PRKN: variants seen among roughly 807,000 people sequenced by gnomAD.
The protein encoded by PRKN is E3 ubiquitin-protein ligase parkin.
PRKN carries 56 observed loss-of-function variants against 59.5 expected under a neutral mutation model. That is an observed-to-expected ratio of 0.94 (90% CI 0.76 to 1.18). The LOEUF (loss-of-function observed/expected upper bound fraction) is 1.18, where lower values mean the gene tolerates loss of function less well. PRKN is among the 50% of genes most tolerant of loss of function. PRKN has a pLI of 0.00. For missense variants in PRKN, 657 were observed against 596.4 expected, an observed-to-expected ratio of 1.10 and a Z score of -1.06; for synonymous variants, 250 against 222.1, an observed-to-expected ratio of 1.13 and a Z score of -1.12.
At chr6:161,609,321 A>G (rs1319137423) in intron 7 of PRKN, among the ~76,000 whole-genome samples, 6 of 152,366 alleles carry the variant, frequency 3.9e-5, no homozygotes, top group Admixed American at 1.3e-4. Context: ...AGTATTAAAT[A>G]TAAGTCTGAG....
intron 3 of PRKN, among the ~76,000 whole-genome samples, chr6:162,208,023 T>C (rs1321892671): frequency 6.6e-6 from 1 of 152,206 alleles, no homozygotes; most frequent in Non-Finnish European, 1.5e-5. Context: ...TCAGTAAAAT[T>C]AAACATTAGA....
At chr6:162,657,593 A>T (rs774149047) in intron 1 of PRKN, among the ~76,000 whole-genome samples, 6 of 152,228 alleles carry the variant, frequency 3.9e-5, no homozygotes, top group African/African-American at 1.4e-4. Context: ...CCTGGCATCC[A>T]AAAGTTGTTT....
At chr6:161,981,750 G>A (rs1781266028) in intron 5 of PRKN, among the ~76,000 whole-genome samples, 1 of 152,108 alleles carries the variant, frequency 6.6e-6, no homozygotes, top group South Asian at 2.1e-4. Context: ...TATGCAAACT[G>A]GAGGACTATA....
At chr6:161,595,553 A>G (rs1441543115) in intron 7 of PRKN, among the ~76,000 whole-genome samples, 4 of 152,308 alleles carry the variant, frequency 2.6e-5, no homozygotes, top group East Asian at 1.9e-4. Context: ...GGTGGCCTCA[A>G]TGTATCTGGA....
At chr6:162,723,342 A>G (rs1181181225) in intron 1 of PRKN, among the ~76,000 whole-genome samples, 1 of 152,230 alleles carries the variant, frequency 6.6e-6, no homozygotes, top group Non-Finnish European at 1.5e-5. Context: ...CAAGACGGCA[A>G]AAATAAAAAA....
chr6:161,447,398 A>T lies in PRKN; in HGVS notation c.1084-60521T>A, dbSNP rs2115109496. Among the ~76,000 whole-genome samples the T allele has an allele frequency of 6.6e-6, 1 of 152,368 alleles. No homozygotes were observed. The highest frequency in any genetic ancestry group is 1.5e-5 in the Non-Finnish European group (1 of 68,032). On this transcript the variant is annotated intron_variant, in intron 9 of 11. Coordinates refer to ENST00000366898, the MANE Select transcript of PRKN (RefSeq NM_004562.3). The surrounding 1 kb of genome is among the most constrained non-coding windows in gnomAD (Gnocchi z 4.1). ...AATTTACATTTTGATTTAGTTATAA[A>T]TAACTTTTCTTCTGTGTATTGGTTT...
At chr6:162,118,378 C>G (rs1780766207) in intron 4 of PRKN, among the ~76,000 whole-genome samples, 1 of 151,908 alleles carries the variant, frequency 6.6e-6, no homozygotes, top group South Asian at 2.1e-4. Context: ...TGCACTCCAG[C>G]CTGGGCTACA....
intron 3 of PRKN, among the ~76,000 whole-genome samples, chr6:162,259,754 T>A (rs1455570638): frequency 6.6e-6 from 1 of 152,174 alleles, no homozygotes; most frequent in East Asian, 1.9e-4. Context: ...CTGACTATGT[T>A]TACAATTTGA....
At chr6:162,646,190 T>C (rs989241536) in intron 1 of PRKN, among the ~76,000 whole-genome samples, 1 of 151,950 alleles carries the variant, frequency 6.6e-6, no homozygotes, top group Non-Finnish European at 1.5e-5. Context: ...CTAAAGCAGA[T>C]TCCAGTTTTC....
intron 1 of PRKN, among the ~76,000 whole-genome samples, chr6:162,655,209 G>A (rs1778600403): frequency 6.6e-6 from 1 of 151,940 alleles, no homozygotes; most frequent in Non-Finnish European, 1.5e-5. Context: ...TATCACATTT[G>A]TATTGAATAA....
rs79288694 is a variant in PRKN at position 161,908,287 on chromosome 6, C to T, written c.734+65015G>A. Reference sequence around the variant, plus strand: ...GGACGATACCTAGAGAGGTCCTAGTCTGAAAGAATCTTCCGGATGGAAACA... The same window carrying T: ...GGACGATACCTAGAGAGGTCCTAGTTTGAAAGAATCTTCCGGATGGAAACA... On this transcript the variant is annotated intron_variant, in intron 6 of 11. Transcript: ENST00000366898. 1.1e-3 allele frequency among the ~76,000 whole-genome samples: 173 copies of T among 152,274 alleles called. 1 individual carries two copies. Among genetic ancestry groups the T allele is most frequent in the African/African-American group, 3.9e-3 (164 of 41,552 alleles).
At chr6:161,745,169 C>T (rs945877423) in intron 7 of PRKN, among the ~76,000 whole-genome samples, 4 of 152,162 alleles carry the variant, frequency 2.6e-5, no homozygotes, top group African/African-American at 9.7e-5. Context: ...AGATCTGGTT[C>T]TTCCCTTAAA....
chr6:161,807,737 T>C (rs1252532656), intron 6 of PRKN, among the ~76,000 whole-genome samples: 4 of 152,192 alleles, frequency 2.6e-5, no homozygotes, highest in Non-Finnish European at 5.9e-5. Flanking sequence ...CTCCTCCCCT[T>C]GTCTCTCGTC....
chr6:162,146,826 G>A (rs1404373106), intron 4 of PRKN, among the ~76,000 whole-genome samples: 1 of 151,750 alleles, frequency 6.6e-6, no homozygotes, highest in East Asian at 2.0e-4. Context: ...TTCCTCCTGG[G>A]CTCAAGTGAT....
chr6:162,584,563 A>G (rs888980614), intron 1 of PRKN, among the ~76,000 whole-genome samples: 11 of 152,080 alleles, frequency 7.2e-5, no homozygotes, highest in African/African-American at 2.7e-4. Context: ...TCAGAAGGTG[A>G]ATCACAAGCA....
At chr6:161,990,684 A>T (rs759374392) in intron 5 of PRKN, among the ~76,000 whole-genome samples, 150 of 152,290 alleles carry the variant, frequency 9.8e-4, no homozygotes, top group Non-Finnish European at 9.4e-4. Context: ...TTGAAAAGAG[A>T]TCATTTGAAA....
intron 1 of PRKN, among the ~76,000 whole-genome samples, chr6:162,553,417 G>T (rs963237340): frequency 1.5e-5 from 2 of 135,066 alleles, no homozygotes; most frequent in African/African-American, 5.0e-5. Context: ...GCAAGGGATA[G>T]ATATAGGGGG....
intron 5 of PRKN, among the ~76,000 whole-genome samples, chr6:162,019,276 C>A (rs1004772047): frequency 1.3e-5 from 2 of 152,110 alleles, no homozygotes; most frequent in African/African-American, 4.8e-5. Context: ...GCCCTGCATG[C>A]CTGTGTGTTG....
intron 2 of PRKN, among the ~76,000 whole-genome samples, chr6:162,316,094 C>T (rs1782742189): frequency 6.6e-6 from 1 of 151,932 alleles, no homozygotes; most frequent in Non-Finnish European, 1.5e-5. Flanking sequence ...TAGAAGTATT[C>T]CAAGGCTGGA....
Sources: gnomAD v4.1 joint callset for allele counts (sites outside exome capture counted in the v4.1 genomes callset) on GRCh38, gnomAD v4.1.1 for gene constraint, Gnocchi (gnomAD v3.1) non-coding constraint, MANE v1.5 for transcripts, NCBI Gene and HGNC (gene_info 2026-07-23, HGNC 2026-07-21) for gene names.